The following PIEZO2 variants were observed in gnomAD, a reference collection of about 807,000 sequenced individuals.
PIEZO2 encodes the protein piezo-type mechanosensitive ion channel component 2.
In PIEZO2, 172 loss-of-function variants were observed where a neutral mutation model predicts 337.3. The ratio of observed to expected loss-of-function variants is 0.51; its 90% confidence interval spans 0.45 to 0.58. The LOEUF (loss-of-function observed/expected upper bound fraction) is 0.58, where lower values mean the gene tolerates loss of function less well. Ranked by LOEUF, PIEZO2 falls within the 20% of genes least tolerant of loss-of-function variation. The pLI is 0.00. For missense variants in PIEZO2, 3,028 were observed against 3,391.3 expected (o/e 0.89, Z 2.66); for synonymous variants, 1,251 against 1,228.5 (o/e 1.02, Z -0.38).
intron 36 of PIEZO2, chr18:10,725,349 G>C: frequency 1.2e-6 from 2 of 1,605,680 alleles, no homozygotes; most frequent in South Asian, 2.2e-5. Flanking sequence ...GCTGAGTGAA[G>C]ACCTGCTGTC....
rs1350485236 is a variant in PIEZO2 at position 10,696,322 on chromosome 18, A to C, written c.6976-34T>G. ...GAGACAACAAATTCATGCCCAAGAG[A>C]GGCAATTCATGGCAGGAAGCGCCAT... On this transcript the variant is annotated intron_variant, in intron 46 of 55. Transcript: ENST00000674853. The C allele has an allele frequency of 3.7e-6, 6 of 1,613,620 alleles. No individual in the cohort carries two copies. In the South Asian group the frequency reaches 6.6e-5, roughly 18 times the overall value.
intron 4 of PIEZO2, among the ~76,000 whole-genome samples, chr18:10,907,443 CAAA>C (rs147285429): frequency 1.4e-5 from 2 of 140,316 alleles, no homozygotes. Flanking sequence ...GACTCTGTCT[CAAA>C]AAAAAAAAAA....
At chr18:10,762,426 C>T (rs777699750) in intron 23 of PIEZO2, 74 bp downstream of exon 23, 39 of 1,476,600 alleles carry the variant, frequency 2.6e-5, no homozygotes, top group Admixed American at 4.7e-5. Context: ...TGATGTTAAG[C>T]GTCTCATGGA....
At position 10,797,490 on chromosome 18, in the gene PIEZO2, C is replaced by G. The variant is rs998208177; in HGVS notation, c.1411G>C (p.Glu471Gln). ...TCACGGCTCCTTTCTTCTTCAAATT[C>G]TTCTTTCTCTTCCTCTTCCTCCTCT... Reference protein sequence around the residue: ...KREEEEEEKEEFEEERSREEK... With the variant: ...KREEEEEEKEQFEEERSREEK... Residue 471 changes from glutamate (E) to glutamine (Q), a missense_variant, in exon 12 of 56, where the codon GAA (glutamate) becomes CAA (glutamine). Around this residue, in one of 5 missense-constraint regions of PIEZO2, gnomAD observed 542 missense variants for 605.6 expected, o/e 0.89. Coordinates refer to ENST00000674853, the MANE Select transcript of PIEZO2 (RefSeq NM_001378183.1). The G allele has an allele frequency of 2.3e-5, 35 of 1,536,990 alleles. No homozygotes were observed. The African/African-American group carries it at 4.5e-4, about 20-fold the overall frequency.
At chr18:11,085,916 C>T (rs187230297) in intron 1 of PIEZO2, among the ~76,000 whole-genome samples, 1 of 151,488 alleles carries the variant, frequency 6.6e-6, no homozygotes, top group African/African-American at 2.4e-5. Context: ...TAATGGAAAC[C>T]CTAATGGTAC....
intron 2 of PIEZO2, among the ~76,000 whole-genome samples, chr18:11,046,816 G>A (rs750154697): frequency 2.0e-4 from 31 of 152,324 alleles, no homozygotes; most frequent in Middle Eastern, 3.4e-3. Context: ...GCAGTGCTCC[G>A]GCAGCCAGGC....
In PIEZO2 at chr18:10,997,065, T is replaced by C. The variant is rs189766209; in HGVS notation, c.161-17405A>G. On this transcript the variant is annotated intron_variant, in intron 2 of 55. Transcript: ENST00000674853. ...TCATGGAACAGCCCTCAAAAAGCTT[T>C]GAGACCTGAACTGTGACATAAAGAA... is the stretch of plus-strand genomic sequence containing the variant. 2.8e-3 allele frequency among the ~76,000 whole-genome samples: 425 copies of C among 152,216 alleles called. 3 individuals carry two copies. Among genetic ancestry groups the C allele is most frequent in the African/African-American group, 9.3e-3 (388 of 41,530 alleles).
At chr18:10,732,522 T>C (rs1448329075) in intron 35 of PIEZO2, among the ~76,000 whole-genome samples, 2 of 152,178 alleles carry the variant, frequency 1.3e-5, no homozygotes, top group Non-Finnish European at 2.9e-5. Flanking sequence ...TTTCCATATA[T>C]GGAAATGGAA....
intron 2 of PIEZO2, among the ~76,000 whole-genome samples, chr18:11,053,035 A>G (rs535726636): frequency 6.6e-6 from 1 of 152,352 alleles, no homozygotes; most frequent in Non-Finnish European, 1.5e-5. Flanking sequence ...TCACCCATGC[A>G]GCACCTGGGT....
intron 3 of PIEZO2, among the ~76,000 whole-genome samples, chr18:10,947,632 C>T (rs564066006): frequency 6.6e-6 from 1 of 151,974 alleles, no homozygotes; most frequent in South Asian, 2.1e-4. Flanking sequence ...GGAAATGATG[C>T]CGAATGAAAC....
chr18:10,856,944 T>A lies in PIEZO2; in HGVS notation c.703+57A>T. ...TTTCTTCTTCAACCATTTCTCTCAT[T>A]CACCAAAGCACTGCTTGTGCCTTTT... is the stretch of plus-strand genomic sequence containing the variant. On this transcript the variant is annotated intron_variant, in intron 6 of 55. Coordinates refer to ENST00000674853, the MANE Select transcript of PIEZO2 (RefSeq NM_001378183.1). The surrounding 1 kb of genome is among the most constrained non-coding windows in gnomAD (Gnocchi z 4.7). 2 of 1,423,046 alleles carry A rather than the reference T, an allele frequency of 1.4e-6. No homozygotes were observed. Among genetic ancestry groups the A allele is most frequent in the Non-Finnish European group, 1.9e-6 (2 of 1,045,662 alleles). 88.2% of individuals were successfully genotyped at this position (1,423,046 alleles called of 1,614,324 possible). A position where few individuals can be genotyped will look rare whatever the true frequency, so the allele number is the denominator to read the frequency against.
chr18:10,857,873 T>C (rs1420788850), intron 5 of PIEZO2, among the ~76,000 whole-genome samples: 1 of 152,226 alleles, frequency 6.6e-6, no homozygotes, highest in Non-Finnish European at 1.5e-5. Flanking sequence ...CCATGTATTA[T>C]TTTAAACTGG....
At chr18:10,771,772 A>G (rs1598459158) in intron 20 of PIEZO2, among the ~76,000 whole-genome samples, 1 of 152,332 alleles carries the variant, frequency 6.6e-6, no homozygotes, top group East Asian at 1.9e-4. Context: ...GAGTAGAAGG[A>G]TGAAATCTCA....
Position 11,008,404 on chromosome 18 carries a change from T to A in PIEZO2, c.161-28744A>T, listed in dbSNP as rs530501712. ...TGCCCTTGTCTTAATTAGTTCACACTGTCAGCTGCTAGTTAACCCTCAGGA... is the reference window on the plus strand; with the variant it reads ...TGCCCTTGTCTTAATTAGTTCACACAGTCAGCTGCTAGTTAACCCTCAGGA... On this transcript the variant is annotated intron_variant, in intron 2 of 55. Coordinates refer to ENST00000674853, the MANE Select transcript of PIEZO2 (RefSeq NM_001378183.1). Among the ~76,000 whole-genome samples the A allele has an allele frequency of 3.3e-5, 5 of 152,334 alleles. No homozygotes were observed. In the East Asian group the frequency reaches 5.8e-4, roughly 18 times the overall value.
In PIEZO2 at chr18:10,935,240, C is replaced by T. The variant is rs559098815; in HGVS notation, c.287-24012G>A. Among the ~76,000 whole-genome samples the T allele has an allele frequency of 3.9e-5, 6 of 152,240 alleles. No individual in the cohort carries two copies. In the South Asian group the frequency reaches 8.3e-4, roughly 21 times the overall value. Reference sequence around the variant, plus strand: ...GGAGACCTGCAGAAAATGTTCTCCGCGATGCCACACATGATTATGAATAGA... The same window carrying T: ...GGAGACCTGCAGAAAATGTTCTCCGTGATGCCACACATGATTATGAATAGA... On this transcript the variant is annotated intron_variant, in intron 3 of 55. Transcript: ENST00000674853.
At chr18:10,974,563 G>C (rs151273685) in intron 3 of PIEZO2, among the ~76,000 whole-genome samples, 285 of 152,334 alleles carry the variant, frequency 1.9e-3, no homozygotes, top group African/African-American at 6.6e-3. Context: ...AGGAGCCACA[G>C]TGGAGGAAAC....
At chr18:11,005,616 C>A (rs1247863118) in intron 2 of PIEZO2, among the ~76,000 whole-genome samples, 1 of 152,190 alleles carries the variant, frequency 6.6e-6, no homozygotes, top group East Asian at 1.9e-4. Context: ...CCATCTTCCT[C>A]AAGCTCCTTC....
chr18:10,934,168 G>T (rs1598713831), intron 3 of PIEZO2, among the ~76,000 whole-genome samples: 1 of 152,334 alleles, frequency 6.6e-6, no homozygotes, highest in African/African-American at 2.4e-5. Flanking sequence ...CCACCAATGA[G>T]ATTCCATTAA....
At position 10,724,690 on chromosome 18, in the gene PIEZO2, C is replaced by A. The variant is rs1457022219; in HGVS notation, c.5030-6431G>T. On this transcript the variant is annotated intron_variant, in intron 36 of 55. Transcript: ENST00000674853. The surrounding 1 kb of genome is among the most constrained non-coding windows in gnomAD (Gnocchi z 5.8). ...CCCACCTACCAGTCTGCTGTCCCTG[C>A]GTCATAGGCTGAAGCACTCAGACCG... 2 of 1,116,974 alleles carry A rather than the reference C, an allele frequency of 1.8e-6. No homozygotes were observed. The highest frequency in any genetic ancestry group is 3.1e-5 in the South Asian group (2 of 65,168). 69.2% of individuals were successfully genotyped at this position (1,116,974 alleles called of 1,614,324 possible).
Sources: gnomAD v4.1 joint callset for allele counts (sites outside exome capture counted in the v4.1 genomes callset) on GRCh38, gnomAD v4.1.1 for gene constraint, gnomAD v4.1.1 regional missense constraint, Gnocchi (gnomAD v3.1) non-coding constraint, MANE v1.5 for transcripts, NCBI Gene and HGNC (gene_info 2026-07-23, HGNC 2026-07-21) for gene names.